SPTBN1: variants seen among roughly 807,000 people sequenced by gnomAD.
SPTBN1 encodes the protein spectrin beta chain, non-erythrocytic 1.
A neutral mutation model predicts 266.4 loss-of-function variants in SPTBN1; 32 were observed. The ratio of observed to expected loss-of-function variants is 0.12; its 90% CI spans 0.09 to 0.16. The LOEUF is 0.16. Among genes scored for constraint, SPTBN1 ranks in the 10% least tolerant of loss-of-function variants. The pLI, the probability that SPTBN1 is intolerant of heterozygous loss-of-function variation, is 1.00. For synonymous variants in SPTBN1, 1,336 were observed against 1,162.2 expected, an observed-to-expected ratio of 1.15 and a Z score of -3.04; for missense variants, 2,296 against 3,067.1, an observed-to-expected ratio of 0.75 and a Z score of 5.94.
Position 54,649,249 on chromosome 2 carries a change from A to C in SPTBN1, c.5202+59A>C, listed in dbSNP as rs1309761460. On this transcript the variant is annotated intron_variant, in intron 25 of 35. Coordinates refer to ENST00000356805, the MANE Select transcript of SPTBN1 (RefSeq NM_003128.3). The surrounding 1 kb of genome is among the most constrained non-coding windows in gnomAD (Gnocchi z 6.7). Reference sequence around the variant, plus strand: ...GCAGTAAGCGATGGTGTGGAAGGCCATTTGCATTCCTTGTCTGTGAGCAGA... The same window carrying C: ...GCAGTAAGCGATGGTGTGGAAGGCCCTTTGCATTCCTTGTCTGTGAGCAGA... 6.6e-7 allele frequency: 1 copy of C among 1,516,690 alleles called. No homozygotes were observed. Among genetic ancestry groups the C allele is most frequent in the African/African-American group, 1.4e-5 (1 of 72,824 alleles). 94.0% of individuals were successfully genotyped at this position (1,516,690 alleles called of 1,614,324 possible). A position where few individuals can be genotyped will look rare whatever the true frequency, so the allele number is the denominator to read the frequency against.
At chr2:54,528,979 C>T (rs962659767) in intron 2 of SPTBN1, among the ~76,000 whole-genome samples, 1 of 152,038 alleles carries the variant, frequency 6.6e-6, no homozygotes, top group African/African-American at 2.4e-5. Context: ...TATTTTACTT[C>T]CTTATTCTGT....
chr2:54,660,250 A>G, intron 32 of SPTBN1: 1 of 1,362,402 alleles, frequency 7.3e-7, no homozygotes, highest in Non-Finnish European at 9.5e-7. Flanking sequence ...TAACTGATGG[A>G]TGCCCACTTG....
At chr2:54,617,223 C>G (rs1677665820) in intron 5 of SPTBN1, among the ~76,000 whole-genome samples, 1 of 152,170 alleles carries the variant, frequency 6.6e-6, no homozygotes, top group Non-Finnish European at 1.5e-5. Context: ...CTTCTTGTCC[C>G]AAAGTAACGT....
At chr2:54,485,460 C>T (rs997256531) in intron 1 of SPTBN1, among the ~76,000 whole-genome samples, 1 of 152,222 alleles carries the variant, frequency 6.6e-6, no homozygotes, top group Non-Finnish European at 1.5e-5. Flanking sequence ...CCCAAGGTGC[C>T]GGGATTGCAG....
intron 2 of SPTBN1, among the ~76,000 whole-genome samples, chr2:54,531,273 C>A (rs558085555): frequency 1.3e-5 from 2 of 152,102 alleles, no homozygotes; most frequent in East Asian, 3.8e-4. Context: ...GGGACCAAGC[C>A]CTTTATCCTA....
chr2:54,606,496 A>G (rs1676847532), intron 3 of SPTBN1, among the ~76,000 whole-genome samples: 1 of 152,218 alleles, frequency 6.6e-6, no homozygotes, highest in Non-Finnish European at 1.5e-5. Flanking sequence ...AGGCCCCTGA[A>G]CAGCAAAAAT....
At chr2:54,527,472 T>A (rs1286759036) in intron 2 of SPTBN1, 1 of 152,154 alleles carries the variant, frequency 6.6e-6, no homozygotes, top group Non-Finnish European at 1.5e-5. Flanking sequence ...TCATTTAGAG[T>A]CATCTTGATT....
chr2:54,506,083 C>T (rs1416288041), intron 1 of SPTBN1, among the ~76,000 whole-genome samples: 9 of 151,938 alleles, frequency 5.9e-5, no homozygotes. Context: ...AAGATCGCGC[C>T]ACTGCACTCC....
At chr2:54,472,954 AGAT>A (rs943464067) in intron 1 of SPTBN1, among the ~76,000 whole-genome samples, 15 of 152,234 alleles carry the variant, frequency 9.9e-5, no homozygotes, top group African/African-American at 3.1e-4. Context: ...ATTTCCTAAA[AGAT>A]GATATTAACA....
intron 18 of SPTBN1, among the ~76,000 whole-genome samples, chr2:54,640,665 C>T (rs1286272219): frequency 6.6e-6 from 1 of 152,214 alleles, no homozygotes; most frequent in East Asian, 1.9e-4. Context: ...AAGTCTCCTA[C>T]CTCAGCCTTC....
chr2:54,611,224 G>T (rs1269257315), intron 3 of SPTBN1, among the ~76,000 whole-genome samples: 1 of 151,882 alleles, frequency 6.6e-6, no homozygotes, highest in Non-Finnish European at 1.5e-5. Flanking sequence ...GTATTTCTAG[G>T]CTAGGCCATT....
In SPTBN1 at chr2:54,645,492, G is replaced by T; in HGVS notation, c.4494+39G>T. On this transcript the variant is annotated intron_variant, in intron 21 of 35. Transcript: ENST00000356805. The surrounding 1 kb of genome is among the most constrained non-coding windows in gnomAD (Gnocchi z 4.3). ...TACTGCACACATGGCTTTTCCACGA[G>T]CCCCCTTGCCTGTGCTAAAGCCCAC... 1 of 1,598,388 alleles carries T rather than the reference G, an allele frequency of 6.3e-7. No homozygotes were observed. The highest frequency in any genetic ancestry group is 8.5e-7 in the Non-Finnish European group (1 of 1,169,592).
chr2:54,541,481 C>T (rs187328695), intron 2 of SPTBN1, among the ~76,000 whole-genome samples: 138 of 152,358 alleles, frequency 9.1e-4, no homozygotes, highest in African/African-American at 3.1e-3. Context: ...ACCCCTCACA[C>T]TGAATTAACA....
In SPTBN1 at chr2:54,629,609, G is replaced by A. The variant is rs376717197; in HGVS notation, c.2475G>A (p.Ser825=). The change falls in exon 14 of 36, where the codon TCG becomes TCA. Residue 825 remains serine (S), a synonymous_variant. Transcript: ENST00000356805. ...CTCCAGACGTGAGGGGCAGGCTGTC[G>A]GGCATCGAGGAGCGGTATAAGGAGG... ...AESPDVRGRL[S]GIEERYKEVA... is the part of the protein sequence containing the mutation. The A allele has an allele frequency of 1.5e-5, 24 of 1,613,844 alleles. No individual in the cohort carries two copies. The highest frequency in any genetic ancestry group is 8.0e-5 in the African/African-American group (6 of 74,926).
At position 54,558,014 on chromosome 2, in the gene SPTBN1, A is replaced by ACT; in HGVS notation, c.148+31449_148+31450insTC. On this transcript the variant is annotated intron_variant, in intron 2 of 35. Transcript: ENST00000356805. This position sits in a 1 kb window ranked among gnomAD's most constrained non-coding sequence, Gnocchi z 4.6. ...AGTGAATGAGCCGCGCGGGCCCGGG[A>ACT]CCCTTGGGGCTCTTCACTCTCCAGG... 1 of 982,646 alleles carries ACT rather than the reference A, an allele frequency of 1.0e-6. No individual in the cohort carries two copies. The highest frequency in any genetic ancestry group is 1.2e-6 in the Non-Finnish European group (1 of 829,398). The allele number at this position is 982,646 out of a possible 1,614,324, so 60.9% of individuals were successfully genotyped here.
chr2:54,492,653 G>T (rs1668753141), intron 1 of SPTBN1, among the ~76,000 whole-genome samples: 1 of 152,146 alleles, frequency 6.6e-6, no homozygotes. Flanking sequence ...GAACATTTAT[G>T]TAAGTTACAG....
intron 3 of SPTBN1, among the ~76,000 whole-genome samples, chr2:54,599,687 G>A (rs1399093332): frequency 6.6e-6 from 1 of 152,208 alleles, no homozygotes; most frequent in African/African-American, 2.4e-5. Flanking sequence ...GGCCACTGAT[G>A]TTTTCTTCCC....
At chr2:54,588,271 T>A (rs150531255) in intron 2 of SPTBN1, among the ~76,000 whole-genome samples, 1 of 152,184 alleles carries the variant, frequency 6.6e-6, no homozygotes, top group Non-Finnish European at 1.5e-5. Context: ...AAGAGGCTAC[T>A]GGCTGAAGTT....
chr2:54,473,781 GATT>G (rs1694046887), intron 1 of SPTBN1, among the ~76,000 whole-genome samples: 1 of 152,102 alleles, frequency 6.6e-6, no homozygotes, highest in African/African-American at 2.4e-5. Flanking sequence ...TCCTTTTCTG[GATT>G]ATTGTCTGAA....
Sources: gnomAD v4.1 joint callset for allele counts (sites outside exome capture counted in the v4.1 genomes callset) on GRCh38, gnomAD v4.1.1 for gene constraint, Gnocchi (gnomAD v3.1) non-coding constraint, MANE v1.5 for transcripts, NCBI Gene and HGNC (gene_info 2026-07-23, HGNC 2026-07-21) for gene names.